Variants in SDK1 observed in about 807,000 individuals in gnomAD.
SDK1 encodes sidekick cell adhesion molecule 1.
SDK1 carries 157 observed loss-of-function variants against 245.5 expected under a neutral mutation model. The ratio of observed to expected loss-of-function variants is 0.64; its 90% CI spans 0.56 to 0.73. SDK1 has a LOEUF of 0.73. SDK1 is among the 30% of genes least tolerant of loss of function. SDK1 has a pLI of 0.00. For missense variants in SDK1, 3,583 were observed against 3,002.3 expected (o/e 1.19, Z -4.52); for synonymous variants, 1,647 against 1,278.5 (o/e 1.29, Z -6.15).
chr7:3,663,883 C>G (rs1783442576), intron 4 of SDK1, among the ~76,000 whole-genome samples: 1 of 152,178 alleles, frequency 6.6e-6, no homozygotes, highest in Non-Finnish European at 1.5e-5. Context: ...AACTGAATTT[C>G]TTTTCAAAGC....
chr7:3,709,845 T>G (rs1424446019), intron 4 of SDK1, among the ~76,000 whole-genome samples: 3 of 152,220 alleles, frequency 2.0e-5, no homozygotes, highest in Non-Finnish European at 4.4e-5. Flanking sequence ...GTAGGCTCTC[T>G]CCTCCTGCTG....
chr7:3,372,112 A>G (rs1304391401), intron 1 of SDK1, among the ~76,000 whole-genome samples: 1 of 152,182 alleles, frequency 6.6e-6, no homozygotes. Flanking sequence ...TCACCCCTTA[A>G]AAAGCTACAT....
intron 5 of SDK1, among the ~76,000 whole-genome samples, chr7:3,928,641 G>C (rs557124825): frequency 2.6e-5 from 4 of 152,088 alleles, no homozygotes; most frequent in Non-Finnish European, 4.4e-5. Flanking sequence ...GGGGGGGGTG[G>C]GTGGAATGCC....
In SDK1 at chr7:4,157,364, GGGAGGAAGAAGGGAGA is replaced by G. The variant is rs1324176792; in HGVS notation, c.4626-1082_4626-1067del. ...AGGGAAGAAGGAAGGAAAGTGGGAA[GGGAGGAAGAAGGGAGA>G]GAAGGAATGAGGGGAGGGAGGGAGG... On this transcript the variant is annotated intron_variant, in intron 30 of 44. Transcript: ENST00000404826. Among the ~76,000 whole-genome samples the G allele has an allele frequency of 7.3e-5, 9 of 123,474 alleles. 1 individual carries two copies. Among genetic ancestry groups the G allele is most frequent in the Admixed American group, 1.5e-4 (2 of 12,938 alleles). The allele number at this position is 123,474 out of a possible 152,430, so 81.0% of individuals were successfully genotyped here.
chr7:3,754,888 CA>C (rs1243175471), intron 4 of SDK1, among the ~76,000 whole-genome samples: 5 of 152,196 alleles, frequency 3.3e-5, no homozygotes, highest in African/African-American at 1.2e-4. Context: ...CAGGGGCCTT[CA>C]CCAGCTTCCC....
intron 1 of SDK1, among the ~76,000 whole-genome samples, chr7:3,335,131 G>A (rs1583698837): frequency 2.0e-5 from 3 of 152,244 alleles, no homozygotes; most frequent in South Asian, 4.2e-4. Context: ...ATAAATGGTG[G>A]CCCTAACTTT....
rs747875340 is a variant in SDK1 at position 4,132,410 on chromosome 7, C to T, written c.4215C>T (p.Asn1405=). The T allele has an allele frequency of 2.5e-5, 40 of 1,610,658 alleles. No homozygotes were observed. The highest frequency in any genetic ancestry group is 2.6e-5 in the Non-Finnish European group (31 of 1,178,180). ...RIVWQPPEEP[N]GIILGYQIAY... ...TGTGGCAACCTCCGGAGGAGCCCAA[C>T]GGCATCATCCTGGGTAAGGGAGCGG... is the stretch of plus-strand genomic sequence containing the variant. The change falls in exon 28 of 45, where the codon AAC becomes AAT. Residue 1405 remains asparagine (N), a synonymous_variant. Transcript: ENST00000404826.
intron 1 of SDK1, among the ~76,000 whole-genome samples, chr7:3,598,631 C>G (rs990329383): frequency 1.3e-5 from 2 of 152,188 alleles, no homozygotes; most frequent in African/African-American, 2.4e-5. Flanking sequence ...GTCCCCATCC[C>G]TGGCCCTGGC....
intron 28 of SDK1, among the ~76,000 whole-genome samples, chr7:4,135,399 G>A (rs551780294): frequency 6.6e-5 from 10 of 152,256 alleles, no homozygotes; most frequent in Admixed American, 2.0e-4. Context: ...CCAGGCCTTC[G>A]CCCTAGAGAA....
At chr7:3,335,750 G>A (rs1428716450) in intron 1 of SDK1, among the ~76,000 whole-genome samples, 1 of 146,648 alleles carries the variant, frequency 6.8e-6, no homozygotes, top group Non-Finnish European at 1.5e-5. Flanking sequence ...CAGACCAGTG[G>A]GAGTCAGGAA....
At chr7:3,566,764 A>G (rs1779933250) in intron 1 of SDK1, among the ~76,000 whole-genome samples, 1 of 152,144 alleles carries the variant, frequency 6.6e-6, no homozygotes, top group Non-Finnish European at 1.5e-5. Flanking sequence ...GAGAAAAATA[A>G]GAGATATGAC....
intron 1 of SDK1, among the ~76,000 whole-genome samples, chr7:3,400,393 T>G (rs1778857201): frequency 6.6e-6 from 1 of 152,160 alleles, no homozygotes. Context: ...TCCACAGATC[T>G]TCACTCCACC....
At chr7:3,402,635 GC>G (rs1778920589) in intron 1 of SDK1, among the ~76,000 whole-genome samples, 1 of 152,028 alleles carries the variant, frequency 6.6e-6, no homozygotes, top group South Asian at 2.1e-4. Context: ...TTTTGTTGTT[GC>G]TTTTTTTCAT....
At chr7:3,549,023 C>T (rs984478274) in intron 1 of SDK1, among the ~76,000 whole-genome samples, 24 of 152,238 alleles carry the variant, frequency 1.6e-4, no homozygotes, top group African/African-American at 5.5e-4. Flanking sequence ...CCCCCTTCCT[C>T]CTGCAGCCAG....
At chr7:3,668,965 A>G (rs1273211715) in intron 4 of SDK1, among the ~76,000 whole-genome samples, 3 of 152,208 alleles carry the variant, frequency 2.0e-5, no homozygotes, top group Non-Finnish European at 4.4e-5. Flanking sequence ...CTGGCAGAGC[A>G]TGTCTGGTAA....
chr7:3,762,832 G>C (rs188924786), intron 4 of SDK1, among the ~76,000 whole-genome samples: 163 of 152,322 alleles, frequency 1.1e-3, no homozygotes, highest in Non-Finnish European at 2.2e-4. Context: ...TAGTATGACA[G>C]TATGAATATG....
At chr7:3,817,838 A>C in intron 4 of SDK1, among the ~76,000 whole-genome samples, 1 of 152,332 alleles carries the variant, frequency 6.6e-6, no homozygotes, top group Non-Finnish European at 1.5e-5. Flanking sequence ...TTGGAGAATC[A>C]AGTGAAGAAT....
intron 35 of SDK1, among the ~76,000 whole-genome samples, chr7:4,204,872 C>G (rs1784107193): frequency 9.6e-6 from 1 of 103,694 alleles, no homozygotes; most frequent in Admixed American, 8.8e-5. Context: ...GCGTGGAATT[C>G]AAAGATAGTG....
intron 19 of SDK1, among the ~76,000 whole-genome samples, chr7:4,059,829 C>T (rs1779419875): frequency 6.6e-6 from 1 of 152,004 alleles, no homozygotes; most frequent in African/African-American, 2.4e-5. Flanking sequence ...ATAGCATGCT[C>T]CTGAATGACC....
Sources: allele counts gnomAD v4.1 joint callset (sites outside exome capture counted in the v4.1 genomes callset), GRCh38; gene constraint gnomAD v4.1.1; transcripts MANE v1.5; gene names NCBI Gene and HGNC (gene_info 2026-07-23, HGNC 2026-07-21).